The following UBTD1 variants were observed in gnomAD, a reference collection of about 807,000 sequenced individuals.
UBTD1 encodes the protein ubiquitin domain containing 1, also known as ubiquitin domain-containing protein 1.
In UBTD1, 19 loss-of-function variants were observed where a neutral mutation model predicts 21.7. That is an observed-to-expected ratio of 0.87 (90% CI 0.61 to 1.28). UBTD1 has a LOEUF of 1.28. UBTD1 is among the 50% of genes most tolerant of loss of function. UBTD1 has a pLI of 0.00. For missense variants in UBTD1, 282 were observed against 315.1 expected (o/e 0.89, Z 0.80); for synonymous variants, 116 against 135.1 (o/e 0.86, Z 0.98).
At chr10:97,545,875 G>A (rs1340956208) in intron 1 of UBTD1, among the ~76,000 whole-genome samples, 3 of 152,104 alleles carry the variant, frequency 2.0e-5, no homozygotes, top group Non-Finnish European at 4.4e-5. Context: ...GGAGTGCAGT[G>A]GCGCAATCTC....
chr10:97,565,347 G>C (rs2040712220), intron 1 of UBTD1, among the ~76,000 whole-genome samples: 1 of 152,160 alleles, frequency 6.6e-6, no homozygotes, highest in Non-Finnish European at 1.5e-5. Context: ...CAGTTTGCCA[G>C]GTTCCTTGGG....
intron 1 of UBTD1, among the ~76,000 whole-genome samples, chr10:97,536,600 A>G (rs906453733): frequency 4.6e-5 from 7 of 152,204 alleles, no homozygotes; most frequent in Non-Finnish European, 4.4e-5. Context: ...GCCCAGGGGC[A>G]GGGTGCCCAT....
Position 97,516,289 on chromosome 10 carries a change from T to C in UBTD1, c.70+17016T>C, listed in dbSNP as rs1463233377. 4.6e-5 allele frequency among the ~76,000 whole-genome samples: 7 copies of C among 152,362 alleles called. No individual in the cohort carries two copies. In the East Asian group the frequency reaches 9.7e-4, roughly 21 times the overall value. On this transcript the variant is annotated intron_variant, in intron 1 of 2. Transcript: ENST00000370664. Reference sequence around the variant, plus strand: ...GCTGTGTGGCCTCTCTGCTTTTGTCTGAGCATCTGCTCCTGGCCTCCCTCT... The same window carrying C: ...GCTGTGTGGCCTCTCTGCTTTTGTCCGAGCATCTGCTCCTGGCCTCCCTCT...
chr10:97,527,190 A>AC (rs2040493233), intron 1 of UBTD1, among the ~76,000 whole-genome samples: 1 of 149,770 alleles, frequency 6.7e-6, no homozygotes, highest in Admixed American at 6.6e-5. Flanking sequence ...AAAAAAAAAA[A>AC]AAAAGCCTGC....
chr10:97,499,555 C>T (rs535778255), intron 1 of UBTD1, among the ~76,000 whole-genome samples: 147 of 152,250 alleles, frequency 9.7e-4, no homozygotes, highest in African/African-American at 3.2e-3. Context: ...GCAGCGGGGC[C>T]GACGGATCGG....
intron 1 of UBTD1, among the ~76,000 whole-genome samples, chr10:97,503,273 C>G (rs2040385432): frequency 1.3e-5 from 2 of 152,234 alleles, no homozygotes; most frequent in Admixed American, 1.3e-4. Flanking sequence ...CTGTGTTCTT[C>G]TCCTTCAGAT....
At chr10:97,519,473 A>G (rs1270659624) in intron 1 of UBTD1, among the ~76,000 whole-genome samples, 2 of 152,190 alleles carry the variant, frequency 1.3e-5, no homozygotes, top group Non-Finnish European at 2.9e-5. Context: ...TGCCTGTTCT[A>G]CACATTCTGT....
intron 1 of UBTD1, among the ~76,000 whole-genome samples, chr10:97,528,263 C>A (rs2040502136): frequency 7.7e-6 from 1 of 130,550 alleles, no homozygotes; most frequent in East Asian, 2.5e-4. Context: ...GCAGAGGCGC[C>A]CCTCACCTCC....
intron 1 of UBTD1, among the ~76,000 whole-genome samples, chr10:97,547,971 A>G (rs1017372663): frequency 7.2e-5 from 11 of 151,988 alleles, no homozygotes; most frequent in Admixed American, 6.6e-4. Context: ...GTTACCAATG[A>G]CAATAGCTAC....
At chr10:97,563,240 A>C (rs1022045329) in intron 1 of UBTD1, among the ~76,000 whole-genome samples, 1 of 152,186 alleles carries the variant, frequency 6.6e-6, no homozygotes, top group Non-Finnish European at 1.5e-5. Flanking sequence ...GGTTCAGCGT[A>C]ATTATTTGCT....
chr10:97,546,887 A>G (rs553781853), intron 1 of UBTD1, among the ~76,000 whole-genome samples: 11 of 151,498 alleles, frequency 7.3e-5, no homozygotes, highest in Non-Finnish European at 1.6e-4. Context: ...CCCCACTGCC[A>G]CCTCACACAC....
intron 1 of UBTD1, among the ~76,000 whole-genome samples, chr10:97,534,642 G>T (rs996378460): frequency 6.7e-6 from 1 of 150,172 alleles, no homozygotes; most frequent in Non-Finnish European, 1.5e-5. Flanking sequence ...GCTAATACAT[G>T]CACAAATATA....
At chr10:97,514,660 G>A (rs545674938) in intron 1 of UBTD1, among the ~76,000 whole-genome samples, 16 of 152,220 alleles carry the variant, frequency 1.1e-4, no homozygotes, top group South Asian at 2.1e-4. Flanking sequence ...GGGCAAGGTC[G>A]TCTTATCTTC....
At chr10:97,510,673 G>A (rs2040419811) in intron 1 of UBTD1, among the ~76,000 whole-genome samples, 2 of 151,922 alleles carry the variant, frequency 1.3e-5, no homozygotes, top group African/African-American at 4.8e-5. Flanking sequence ...TGAGATATAC[G>A]GCCAGTGAAG....
At chr10:97,519,782 C>A (rs1287724028) in intron 1 of UBTD1, among the ~76,000 whole-genome samples, 1 of 152,068 alleles carries the variant, frequency 6.6e-6, no homozygotes, top group Non-Finnish European at 1.5e-5. Context: ...ATATGGGAAG[C>A]CTGTATGTTG....
chr10:97,532,938 C>T (rs1251767419), intron 1 of UBTD1, among the ~76,000 whole-genome samples: 2 of 152,244 alleles, frequency 1.3e-5, no homozygotes, highest in African/African-American at 2.4e-5. Flanking sequence ...GGCGCATCTT[C>T]GCAGTCCATG....
At chr10:97,529,207 G>T (rs1376724005) in intron 1 of UBTD1, among the ~76,000 whole-genome samples, 106 of 151,960 alleles carry the variant, frequency 7.0e-4, no homozygotes, top group African/African-American at 2.4e-3. Context: ...AGATGGGATG[G>T]CGGCCGGGAA....
At chr10:97,558,659 TC>T (rs912433427) in intron 1 of UBTD1, among the ~76,000 whole-genome samples, 1 of 151,822 alleles carries the variant, frequency 6.6e-6, no homozygotes, top group Non-Finnish European at 1.5e-5. Context: ...TTTTTTTAAC[TC>T]ATGAAAAGCT....
intron 1 of UBTD1, among the ~76,000 whole-genome samples, chr10:97,531,759 G>A (rs572580710): frequency 1.3e-5 from 2 of 152,040 alleles, no homozygotes; most frequent in African/African-American, 2.4e-5. Flanking sequence ...AAACTGTCTC[G>A]TGCCCTTGGA....
Sources: gnomAD v4.1 joint callset for allele counts (sites outside exome capture counted in the v4.1 genomes callset) on GRCh38, gnomAD v4.1.1 for gene constraint, MANE v1.5 for transcripts, NCBI Gene and HGNC (gene_info 2026-07-23, HGNC 2026-07-21) for gene names.